OS9: variants seen among roughly 807,000 people sequenced by gnomAD.
OS9 encodes OS9 endoplasmic reticulum lectin.
In OS9, 58 loss-of-function variants were observed where a neutral mutation model predicts 84.7. That is an observed-to-expected ratio of 0.68 (90% confidence interval 0.55 to 0.85). The LOEUF (loss-of-function observed/expected upper bound fraction) is 0.85, where lower values mean the gene tolerates loss of function less well. Ranked by LOEUF, OS9 falls within the 40% of genes least tolerant of loss-of-function variation. OS9 has a pLI of 0.00. For synonymous variants in OS9, 278 were observed against 320.8 expected (o/e 0.87, Z 1.43); for missense variants, 760 against 850.9 (o/e 0.89, Z 1.33).
chr12:57,694,337 A>G lies in OS9; in HGVS notation c.162+14A>G. ...ATGGGAGGGCAGGTGAGAGGCGTAT[A>G]AGGGGCGAGGGTCTGGGCAGAAGAG... On this transcript the variant is annotated intron_variant, in intron 1 of 14. Coordinates refer to ENST00000315970, the MANE Select transcript of OS9 (RefSeq NM_006812.4). 1 of 1,613,872 alleles carries G rather than the reference A, an allele frequency of 6.2e-7. No homozygotes were observed. The highest frequency in any genetic ancestry group is 1.7e-5 in the Admixed American group (1 of 60,002).
rs780144011 is a variant in OS9 at position 57,719,059 on chromosome 12, C to T, written c.1477C>T (p.Leu493Phe). The T allele has an allele frequency of 1.2e-6, 2 of 1,613,990 alleles. No individual in the cohort carries two copies. Among genetic ancestry groups the T allele is most frequent in the South Asian group, 1.1e-5 (1 of 91,080 alleles). ...ESERDRAMLALTSTLNKLIKR... is the reference protein window; with the variant it reads ...ESERDRAMLAFTSTLNKLIKR... Reference sequence around the variant, plus strand: ...AGAGCGGGATCGGGCAATGCTGGCTCTCACATCCACTCTCAACAAACTCAT... The same window carrying T: ...AGAGCGGGATCGGGCAATGCTGGCTTTCACATCCACTCTCAACAAACTCAT... The change falls in exon 12 of 15, where the codon CTC (leucine) becomes TTC (phenylalanine). Residue 493 changes from leucine to phenylalanine, a missense_variant. Coordinates refer to ENST00000315970, the MANE Select transcript of OS9 (RefSeq NM_006812.4).
At chr12:57,707,902 G>A (rs1440784270) in intron 5 of OS9, among the ~76,000 whole-genome samples, 1 of 150,930 alleles carries the variant, frequency 6.6e-6, no homozygotes, top group Non-Finnish European at 1.5e-5. Flanking sequence ...ACCAGCCTAG[G>A]CAACACAGTG....
chr12:57,716,008 CG>C (rs1038766254), intron 6 of OS9, 38 bp downstream of exon 6: 1 of 1,600,786 alleles, frequency 6.2e-7, no homozygotes, highest in East Asian at 2.2e-5. Flanking sequence ...CGGGGAGATA[CG>C]GGGGCAGGGG....
intron 5 of OS9, among the ~76,000 whole-genome samples, chr12:57,713,794 A>C (rs998289378): frequency 6.7e-6 from 1 of 148,356 alleles, no homozygotes; most frequent in Non-Finnish European, 1.5e-5. Context: ...AGATTGAGGG[A>C]GCATGTCATG....
At chr12:57,719,652 G>A in intron 12 of OS9, 1 of 199,784 alleles carries the variant, frequency 5.0e-6, no homozygotes, top group Non-Finnish European at 1.0e-5. Context: ...ATTTCATAGT[G>A]TCCTATGGGT....
Position 57,719,128 on chromosome 12 carries a change from C to G in OS9, c.1546C>G (p.His516Asp), listed in dbSNP as rs1477430954. ...EKQSPELVKK[H>D]KKKRVVPKKP... The stretch of plus-strand genomic sequence containing the variant: ...ACAGAGTCCAGAGCTGGTGAAGAAG[C>G]ACAAGAAAAAGAGGGTTGTCCCCAA... The change falls in exon 12 of 15, where the codon CAC becomes GAC. Residue 516 changes from histidine to aspartate, a missense_variant. Physicochemically the swap from His to Asp is moderately conservative, Grantham distance 81 (BLOSUM62 -1). Transcript: ENST00000315970. 4 of 1,614,130 alleles carry G rather than the reference C, an allele frequency of 2.5e-6. No homozygotes were observed. Among genetic ancestry groups the G allele is most frequent in the Admixed American group, 3.3e-5 (2 of 60,006 alleles).
chr12:57,694,793 A>G lies in OS9; in HGVS notation c.206A>G (p.Gln69Arg). 1 of 1,614,106 alleles carries G rather than the reference A, an allele frequency of 6.2e-7. No homozygotes were observed. The highest frequency in any genetic ancestry group is 1.3e-5 in the African/African-American group (1 of 75,028). Residue 69 changes from glutamine (Q) to arginine (R), a missense_variant, in exon 2 of 15, where the codon CAG becomes CGG. Gln to Arg is a conservative substitution (Grantham distance 43). Transcript: ENST00000315970. Reference sequence around the variant, plus strand: ...GTGATTGTCTCCTCTAAGTACAAACAGCGCTATGAGTGTCGCCTGCCAGCT... The same window carrying G: ...GTGATTGTCTCCTCTAAGTACAAACGGCGCTATGAGTGTCGCCTGCCAGCT... ...DVVIVSSKYK[Q>R]RYECRLPAGA...
chr12:57,696,878 C>G (rs149951404), intron 5 of OS9, among the ~76,000 whole-genome samples: 1 of 152,156 alleles, frequency 6.6e-6, no homozygotes, highest in African/African-American at 2.4e-5. Context: ...CACTAGATAT[C>G]TCTCAAAACT....
In OS9 at chr12:57,695,814, G is replaced by A; in HGVS notation, c.374G>A (p.Gly125Glu). The stretch of plus-strand genomic sequence containing the variant: ...TGGTGGACATATGAATTCTGTTATG[G>A]ACGCCACATCCAGCAATACCACATG... ...KDWWTYEFCYGRHIQQYHMED... is the reference protein window; with the variant it reads ...KDWWTYEFCYERHIQQYHMED... Residue 125 changes from glycine (G) to glutamate (E), a missense_variant, in exon 3 of 15, where the codon GGA becomes GAA. Physicochemically the swap from Gly to Glu is moderately conservative, Grantham distance 98. Coordinates refer to ENST00000315970, the MANE Select transcript of OS9 (RefSeq NM_006812.4). 6.2e-7 allele frequency: 1 copy of A among 1,612,314 alleles called. No homozygotes were observed. Among genetic ancestry groups the A allele is most frequent in the Non-Finnish European group, 8.5e-7 (1 of 1,178,374 alleles).
At position 57,720,818 on chromosome 12, in the gene OS9, A is replaced by G. The variant is rs1172385243; in HGVS notation, c.1913A>G (p.Gln638Arg). 1.2e-6 allele frequency: 2 copies of G among 1,613,570 alleles called. No homozygotes were observed. Among genetic ancestry groups the G allele is most frequent in the Non-Finnish European group, 8.5e-7 (1 of 1,179,680 alleles). ...PGAEEAQKER[Q>R]RQKELESNYR... ...GCTGAAGAGGCCCAGAAGGAACGCC[A>G]GCGGCAGAAAGAGCTGGAGAGCAAT... The change falls in exon 15 of 15, where the codon CAG (glutamine) becomes CGG (arginine). Residue 638 changes from glutamine to arginine, a missense_variant. Gln to Arg is a conservative substitution (Grantham distance 43, BLOSUM62 1). Coordinates refer to ENST00000315970, the MANE Select transcript of OS9 (RefSeq NM_006812.4).
At chr12:57,699,083 A>G (rs758504859) in intron 5 of OS9, among the ~76,000 whole-genome samples, 28 of 152,320 alleles carry the variant, frequency 1.8e-4, no homozygotes, top group South Asian at 4.1e-4. Context: ...AGTAAGAAGG[A>G]GTCAAGAATG....
chr12:57,702,980 A>C (rs1677282672), intron 5 of OS9, among the ~76,000 whole-genome samples: 1 of 152,032 alleles, frequency 6.6e-6, no homozygotes, highest in Admixed American at 6.6e-5. Flanking sequence ...ATAAATTCTG[A>C]ATATTAATCC....
chr12:57,707,204 CA>C (rs1404361920), intron 5 of OS9, among the ~76,000 whole-genome samples: 1 of 152,062 alleles, frequency 6.6e-6, no homozygotes, highest in Non-Finnish European at 1.5e-5. Flanking sequence ...GTCCAATAAC[CA>C]CCTTTTGGTT....
In OS9 at chr12:57,716,208, C is replaced by A; in HGVS notation, c.892+15C>A. ...AAAGATGGCAGGTAGGACCTTGTTT[C>A]ACCTGTTCCGTGAAACTCACTTCCA... is the stretch of plus-strand genomic sequence containing the variant. On this transcript the variant is annotated intron_variant, in intron 7 of 14. Coordinates refer to ENST00000315970, the MANE Select transcript of OS9 (RefSeq NM_006812.4). The A allele has an allele frequency of 6.4e-7, 1 of 1,558,104 alleles. No individual in the cohort carries two copies. The highest frequency in any genetic ancestry group is 8.8e-7 in the Non-Finnish European group (1 of 1,133,766).
At chr12:57,706,846 G>GAAAAAAAAAAAAAAAAA (rs11423380) in intron 5 of OS9, among the ~76,000 whole-genome samples, 5 of 41,730 alleles carry the variant, frequency 1.2e-4, no homozygotes, top group East Asian at 8.1e-4. Context: ...ATGACTCTCT[G>GAAAAAAAAAAAAAAAAA]AAAAAAAAAA....
intron 5 of OS9, among the ~76,000 whole-genome samples, chr12:57,701,953 T>C (rs554320173): frequency 2.0e-5 from 3 of 151,970 alleles, no homozygotes; most frequent in South Asian, 4.2e-4. Context: ...CCTGCCACCA[T>C]GCCCAGCTAA....
chr12:57,705,865 T>A (rs1954151293), intron 5 of OS9, among the ~76,000 whole-genome samples: 1 of 152,152 alleles, frequency 6.6e-6, no homozygotes, highest in Non-Finnish European at 1.5e-5. Flanking sequence ...ATGGTCACAT[T>A]ATTGGTTTTA....
chr12:57,707,615 T>A (rs1954208911), intron 5 of OS9, among the ~76,000 whole-genome samples: 1 of 152,154 alleles, frequency 6.6e-6, no homozygotes. Flanking sequence ...GTCAGGCTGG[T>A]CTCGAACTCC....
At position 57,716,438 on chromosome 12, in the gene OS9, A is replaced by G; in HGVS notation, c.919A>G (p.Lys307Glu). The change falls in exon 8 of 15, where the codon AAG (lysine) becomes GAG (glutamate). Residue 307 changes from lysine to glutamate, a missense_variant. By Grantham distance (56) the Lys-to-Glu change is moderately conservative (BLOSUM62 1). Coordinates refer to ENST00000315970, the MANE Select transcript of OS9 (RefSeq NM_006812.4). Reference protein sequence around the residue: ...AGASPTKDDSKDSDFWKMLNE... With the variant: ...AGASPTKDDSEDSDFWKMLNE... ...TGCGAGCCCGACCAAGGATGACAGT[A>G]AGGACTCAGATTTCTGGAAGATGCT... 6.4e-7 allele frequency: 1 copy of G among 1,564,624 alleles called. No individual in the cohort carries two copies. Among genetic ancestry groups the G allele is most frequent in the Non-Finnish European group, 8.7e-7 (1 of 1,153,692 alleles).
Sources: allele counts gnomAD v4.1 joint callset (sites outside exome capture counted in the v4.1 genomes callset), GRCh38; gene constraint gnomAD v4.1.1; transcripts MANE v1.5; gene names NCBI Gene and HGNC (gene_info 2026-07-23, HGNC 2026-07-21).